PIK3CD: variants seen among roughly 807,000 people sequenced by gnomAD.
PIK3CD encodes the protein phosphatidylinositol 4,5-bisphosphate 3-kinase catalytic subunit delta isoform.
A neutral mutation model predicts 122.9 loss-of-function variants in PIK3CD; 20 were observed. The ratio of observed to expected loss-of-function variants is 0.16; its 90% confidence interval spans 0.11 to 0.24. The LOEUF is 0.24. Ranked by LOEUF, PIK3CD falls within the 10% of genes least tolerant of loss-of-function variation. The pLI is 1.00. For missense variants in PIK3CD, 787 were observed against 1,406.3 expected (o/e 0.56, Z 7.04); for synonymous variants, 596 against 593.4 (o/e 1.00, Z -0.06).
At position 9,719,293 on chromosome 1, in the gene PIK3CD, C is replaced by T. The variant is rs1297018867; in HGVS notation, c.1242+378C>T. ...GAGTCACGGTCCCAGGATATGGCTC[C>T]CCTCGGAGCTGACTCACTCCGAGCT... On this transcript the variant is annotated intron_variant, in intron 9 of 23. Transcript: ENST00000377346. This position sits in a 1 kb window ranked among gnomAD's most constrained non-coding sequence, Gnocchi z 5.5. 2.6e-5 allele frequency among the ~76,000 whole-genome samples: 4 copies of T among 152,168 alleles called. No individual in the cohort carries two copies. The highest frequency in any genetic ancestry group is 9.7e-5 in the African/African-American group (4 of 41,438).
In PIK3CD at chr1:9,727,316, C is replaced by T. The variant is rs145898090; in HGVS notation, c.*270C>T. On this transcript the variant is annotated 3_prime_UTR_variant, in exon 24 of 24. Transcript: ENST00000377346. ...TCGGCTGAGGATTGTCACCCCAAGTCTTCCAGCTGGTGGATCTGGGCCCAG... is the reference window on the plus strand; with the variant it reads ...TCGGCTGAGGATTGTCACCCCAAGTTTTCCAGCTGGTGGATCTGGGCCCAG... 159 of 522,770 alleles carry T rather than the reference C, an allele frequency of 3.0e-4. No homozygotes were observed. Among genetic ancestry groups the T allele is most frequent in the African/African-American group, 2.9e-3 (152 of 52,686 alleles). The allele number at this position is 522,770 out of a possible 1,614,324, so 32.4% of individuals were successfully genotyped here.
intron 1 of PIK3CD, among the ~76,000 whole-genome samples, chr1:9,656,123 C>T (rs1445643775): frequency 2.0e-5 from 3 of 151,734 alleles, no homozygotes; most frequent in East Asian, 1.9e-4. Context: ...GAGAAAATGC[C>T]GGAAGAGTGG....
At position 9,722,144 on chromosome 1, in the gene PIK3CD, C is replaced by G. The variant is rs1430239142; in HGVS notation, c.2225C>G (p.Ala742Gly). Residue 742 changes from alanine (A) to glycine (G), a missense_variant, in exon 17 of 24, where the codon GCT becomes GGT. Around this residue, in one of 6 missense-constraint regions of PIK3CD, gnomAD observed 48 missense variants for 71.9 expected, o/e 0.67. Transcript: ENST00000377346. The surrounding 1 kb of genome is among the most constrained non-coding windows in gnomAD (Gnocchi z 7.6). ...CCACTCGACCCCAGCACCCTGCTGG[C>G]TGAAGTCTGGTGAGCCCAAGCCCCG... ...QSPLDPSTLL[A>G]EVCVEQCTFM... is the part of the protein sequence containing the mutation. 6.2e-7 allele frequency: 1 copy of G among 1,612,548 alleles called. No homozygotes were observed. The highest frequency in any genetic ancestry group is 1.6e-4 in the Middle Eastern group (1 of 6,062).
rs74433585 is a variant in PIK3CD at position 9,654,906 on chromosome 1, A to C, written c.-138+3104A>C. 7.4e-3 allele frequency among the ~76,000 whole-genome samples: 1,009 copies of C among 136,126 alleles called. 10 individuals carry two copies. The highest frequency in any genetic ancestry group is 0.01 in the Non-Finnish European group (686 of 65,834). The allele number at this position is 136,126 out of a possible 152,430, so 89.3% of individuals were successfully genotyped here. ...GAATATCTGTCTCTACGAAAAATGCAAAAAAAAAAAATTAGCTGGGCGTGG... is the reference window on the plus strand; with the variant it reads ...GAATATCTGTCTCTACGAAAAATGCCAAAAAAAAAAATTAGCTGGGCGTGG... On this transcript the variant is annotated intron_variant, in intron 1 of 23. Transcript: ENST00000377346.
intron 1 of PIK3CD, among the ~76,000 whole-genome samples, chr1:9,655,468 A>G (rs1644824950): frequency 1.2e-5 from 1 of 86,680 alleles, no homozygotes; most frequent in Non-Finnish European, 1.9e-5. Context: ...TTTTTATTGC[A>G]GCTAAACACT....
rs980931428 is a variant in PIK3CD, at chr1:9,718,221, T to G, written c.1021-473T>G. 7.1e-5 allele frequency: 33 copies of G among 467,198 alleles called. No individual in the cohort carries two copies. Among genetic ancestry groups the G allele is most frequent in the Non-Finnish European group, 1.1e-4 (26 of 235,010 alleles). 28.9% of individuals were successfully genotyped at this position (467,198 alleles called of 1,614,324 possible). A position where few individuals can be genotyped will look rare whatever the true frequency, so the allele number is the denominator to read the frequency against. On this transcript the variant is annotated intron_variant, in intron 8 of 23. Transcript: ENST00000377346. The surrounding 1 kb of genome is among the most constrained non-coding windows in gnomAD (Gnocchi z 7.2). ...ATCGTATAAGCAGGGCAGGTCTGGG[T>G]TCCACTGGCAGGAATCGAGGGGGAC...
At chr1:9,679,557 G>A (rs931777072) in intron 1 of PIK3CD, among the ~76,000 whole-genome samples, 6 of 152,006 alleles carry the variant, frequency 3.9e-5, no homozygotes, top group Admixed American at 2.0e-4. Flanking sequence ...TTGGTTAGCC[G>A]CCCTTAGCCC....
intron 1 of PIK3CD, among the ~76,000 whole-genome samples, chr1:9,687,877 G>A (rs549653396): frequency 1.5e-3 from 213 of 141,570 alleles, no homozygotes; most frequent in African/African-American, 5.0e-3. Context: ...CTGGCCCCCC[G>A]TCTTCTCATC....
At chr1:9,716,353 C>T in intron 5 of PIK3CD, 87 bp from the exon 6 acceptor site, 2 of 1,330,752 alleles carry the variant, frequency 1.5e-6, no homozygotes, top group Non-Finnish European at 2.2e-6. Context: ...AGACCCTACC[C>T]TTGGGGGCAA....
intron 1 of PIK3CD, among the ~76,000 whole-genome samples, chr1:9,658,649 C>A (rs1236098923): frequency 7.3e-5 from 11 of 151,380 alleles, no homozygotes; most frequent in Non-Finnish European, 1.6e-4. Context: ...CCTGCCTCAG[C>A]CTCCCGAGTA....
At chr1:9,675,369 G>A (rs1400243471) in intron 1 of PIK3CD, among the ~76,000 whole-genome samples, 1 of 125,668 alleles carries the variant, frequency 8.0e-6, no homozygotes, top group Non-Finnish European at 1.6e-5. Context: ...CTGGGCCACA[G>A]AGCGAGACTC....
Position 9,715,803 on chromosome 1 carries a change from G to A in PIK3CD, c.370+34G>A. The A allele has an allele frequency of 6.2e-7, 1 of 1,611,888 alleles. No individual in the cohort carries two copies. The highest frequency in any genetic ancestry group is 8.5e-7 in the Non-Finnish European group (1 of 1,179,198). On this transcript the variant is annotated intron_variant, in intron 4 of 23. Coordinates refer to ENST00000377346, the MANE Select transcript of PIK3CD (RefSeq NM_005026.5). The surrounding 1 kb of genome is among the most constrained non-coding windows in gnomAD (Gnocchi z 4.1). Reference sequence around the variant, plus strand: ...GCCGAGTGGGCCGTGTGGCCGGGCTGGCCCTGCCTGCCCCACCCGCTGACC... The same window carrying A: ...GCCGAGTGGGCCGTGTGGCCGGGCTAGCCCTGCCTGCCCCACCCGCTGACC...
At chr1:9,671,352 G>A (rs962365639) in intron 1 of PIK3CD, among the ~76,000 whole-genome samples, 27 of 152,066 alleles carry the variant, frequency 1.8e-4, no homozygotes, top group Admixed American at 1.0e-3. Flanking sequence ...ACCCACCTTG[G>A]CCTTCCAAAG....
intron 1 of PIK3CD, among the ~76,000 whole-genome samples, chr1:9,668,719 G>C (rs1645236267): frequency 6.6e-6 from 1 of 152,086 alleles, no homozygotes; most frequent in African/African-American, 2.4e-5. Flanking sequence ...ATAGCAGATT[G>C]ATTTTTCTGC....
At chr1:9,660,160 G>A (rs927068626) in intron 1 of PIK3CD, among the ~76,000 whole-genome samples, 3 of 152,158 alleles carry the variant, frequency 2.0e-5, no homozygotes, top group South Asian at 2.1e-4. Context: ...CGATCTGCTC[G>A]CTCGGCCTCC....
At chr1:9,673,870 G>A (rs1440458663) in intron 1 of PIK3CD, among the ~76,000 whole-genome samples, 1 of 152,082 alleles carries the variant, frequency 6.6e-6, no homozygotes, top group Non-Finnish European at 1.5e-5. Context: ...CACACCCAGG[G>A]TGCACCCTCT....
At chr1:9,649,916 G>C (rs1557583104), upstream of PIK3CD, among the ~76,000 whole-genome samples, 1 of 152,206 alleles carries the variant, frequency 6.6e-6, no homozygotes, top group Non-Finnish European at 1.5e-5. Context: ...AGTCATGCCT[G>C]CTGTAGGGGA....
chr1:9,683,255 G>A (rs1018387489), intron 1 of PIK3CD, among the ~76,000 whole-genome samples: 2 of 151,678 alleles, frequency 1.3e-5, no homozygotes, highest in African/African-American at 2.4e-5. Context: ...TGGCTCACAC[G>A]GTGAAAACCC....
chr1:9,639,475 T>G, the PIK3CD span, among the ~76,000 whole-genome samples: 2 of 152,100 alleles, frequency 1.3e-5, no homozygotes, highest in African/African-American at 2.4e-5. Context: ...ATTTTTAGCC[T>G]CACAACTTCT....
Sources: gnomAD v4.1 joint callset for allele counts (sites outside exome capture counted in the v4.1 genomes callset) on GRCh38, gnomAD v4.1.1 for gene constraint, gnomAD v4.1.1 regional missense constraint, Gnocchi (gnomAD v3.1) non-coding constraint, MANE v1.5 for transcripts, NCBI Gene and HGNC (gene_info 2026-07-23, HGNC 2026-07-21) for gene names.